Variants in MTCL2 observed in about 807,000 individuals in gnomAD.
MTCL2 encodes the protein microtubule crosslinking factor 2, also known as microtubule cross-linking factor 2.
At chr20:36,803,557 A>C in the MTCL2 span, among the ~76,000 whole-genome samples, 1 of 151,900 alleles carries the variant, frequency 6.6e-6, no homozygotes, top group Non-Finnish European at 1.5e-5. Flanking sequence ...TGCAGGGGAC[A>C]CCGTGGAATA....
chr20:36,816,050 G>A, the MTCL2 span: 7 of 1,613,536 alleles, frequency 4.3e-6, no homozygotes, highest in South Asian at 1.1e-5. Flanking sequence ...CCAGCTCCAC[G>A]ATGCGGCGGC....
the MTCL2 span, among the ~76,000 whole-genome samples, chr20:36,821,737 A>T: frequency 6.6e-6 from 1 of 152,132 alleles, no homozygotes; most frequent in Non-Finnish European, 1.5e-5. Context: ...AAAAAAGCAT[A>T]TTCACGTTTA....
the MTCL2 span, among the ~76,000 whole-genome samples, chr20:36,810,436 C>A: frequency 4.6e-5 from 7 of 152,244 alleles, no homozygotes; most frequent in East Asian, 1.4e-3. Flanking sequence ...ATTTTAGAAA[C>A]AACTTAGATA....
the MTCL2 span, among the ~76,000 whole-genome samples, chr20:36,803,684 G>A: frequency 2.0e-5 from 3 of 151,880 alleles, no homozygotes; most frequent in Non-Finnish European, 4.4e-5. Context: ...GGCCGGGAGT[G>A]GTGGCTCACG....
At chr20:36,794,011 G>A in the MTCL2 span, 3 of 1,551,622 alleles carry the variant, frequency 1.9e-6, no homozygotes, top group South Asian at 3.6e-5. The surrounding 1 kb of genome is among the most constrained non-coding windows in gnomAD (Gnocchi z 5.4). Flanking sequence ...GTGAGCCGGA[G>A]CGCATGGCCT....
At chr20:36,843,265 AG>A in the MTCL2 span, among the ~76,000 whole-genome samples, 1 of 152,186 alleles carries the variant, frequency 6.6e-6, no homozygotes, top group Non-Finnish European at 1.5e-5. Context: ...CCTGTGAGGA[AG>A]GGGGTACGAC....
At chr20:36,816,155 C>T in the MTCL2 span, 10 of 1,613,646 alleles carry the variant, frequency 6.2e-6, no homozygotes, top group Admixed American at 1.7e-5. Flanking sequence ...CGGCTGACAG[C>T]GCGCTGTCCA....
chr20:36,863,064 C>A, the MTCL2 span: 1 of 1,404,578 alleles, frequency 7.1e-7, no homozygotes. This position sits in a 1 kb window ranked among gnomAD's most constrained non-coding sequence, Gnocchi z 6.2. Flanking sequence ...GGCACGGACC[C>A]CGGTGCGGAC....
the MTCL2 span, chr20:36,817,386 A>G: frequency 6.4e-7 from 1 of 1,564,370 alleles, no homozygotes; most frequent in Non-Finnish European, 8.7e-7. Context: ...AAACCTTCCT[A>G]CGGGGGCTGC....
the MTCL2 span, among the ~76,000 whole-genome samples, chr20:36,820,001 G>A: frequency 2.0e-5 from 3 of 152,162 alleles, no homozygotes; most frequent in Non-Finnish European, 4.4e-5. Flanking sequence ...GGCCCTGGAC[G>A]GGGCACACAG....
chr20:36,836,857 A>T, the MTCL2 span, among the ~76,000 whole-genome samples: 6 of 152,144 alleles, frequency 3.9e-5, no homozygotes, highest in Admixed American at 2.0e-4. Context: ...TGCACCAACA[A>T]GACCACAGGG....
At chr20:36,804,704 G>A in the MTCL2 span, 5 of 1,606,488 alleles carry the variant, frequency 3.1e-6, no homozygotes, top group African/African-American at 1.3e-5. Flanking sequence ...TGAGAGTAAG[G>A]GGAGAGGCGT....
At chr20:36,852,950 G>A in the MTCL2 span, among the ~76,000 whole-genome samples, 9 of 152,078 alleles carry the variant, frequency 5.9e-5, no homozygotes, top group Non-Finnish European at 2.9e-5. Flanking sequence ...CCAGCTACTC[G>A]GGAGGCTGAG....
chr20:36,785,233 C>T, the MTCL2 span: 5 of 985,276 alleles, frequency 5.1e-6, no homozygotes, highest in Middle Eastern at 5.2e-4. Context: ...GGTCTCCAAA[C>T]CTGGCTGCCA....
At chr20:36,815,345 G>A in the MTCL2 span, 1 of 1,613,840 alleles carries the variant, frequency 6.2e-7, no homozygotes, top group Non-Finnish European at 8.5e-7. This position sits in a 1 kb window ranked among gnomAD's most constrained non-coding sequence, Gnocchi z 5.3. Flanking sequence ...CCTCGCTGTT[G>A]TCGGGGGCCT....
At chr20:36,813,141 ATG>A in the MTCL2 span, among the ~76,000 whole-genome samples, 2 of 152,124 alleles carry the variant, frequency 1.3e-5, no homozygotes, top group Non-Finnish European at 2.9e-5. Flanking sequence ...GTCCTATCAC[ATG>A]TGTGACCTCT....
the MTCL2 span, among the ~76,000 whole-genome samples, chr20:36,854,386 G>A: frequency 1.3e-5 from 2 of 152,174 alleles, no homozygotes; most frequent in Non-Finnish European, 2.9e-5. Flanking sequence ...GGAGCTCCAA[G>A]GTGTCTGACA....
chr20:36,845,795 C>G, the MTCL2 span, among the ~76,000 whole-genome samples: 1 of 152,112 alleles, frequency 6.6e-6, no homozygotes, highest in Admixed American at 6.5e-5. Context: ...GGGCCTCCAT[C>G]CCAGGAGAGC....
the MTCL2 span, among the ~76,000 whole-genome samples, chr20:36,832,956 G>A: frequency 3.3e-5 from 5 of 152,142 alleles, no homozygotes; most frequent in East Asian, 1.9e-4. Context: ...GGGCCCCCTC[G>A]GCCCTCACAA....
Sources: allele counts gnomAD v4.1 joint callset (sites outside exome capture counted in the v4.1 genomes callset), GRCh38; gene constraint gnomAD v4.1.1; non-coding constraint Gnocchi (gnomAD v3.1); transcripts MANE v1.5; gene names NCBI Gene and HGNC (gene_info 2026-07-23, HGNC 2026-07-21).